Variants in CACNA1E observed in about 807,000 individuals in gnomAD.
CACNA1E encodes the protein calcium voltage-gated channel subunit alpha1 E, also known as voltage-dependent R-type calcium channel subunit alpha-1E.
In CACNA1E, 40 loss-of-function variants were observed where a neutral mutation model predicts 259.2. The observed-to-expected ratio is 0.15, with a 90% confidence interval of 0.12 to 0.20. The LOEUF is 0.20. Ranked by LOEUF, CACNA1E falls within the 10% of genes least tolerant of loss-of-function variation. The pLI is 1.00. For synonymous variants in CACNA1E, 1,104 were observed against 1,138.5 expected (o/e 0.97, Z 0.61); for missense variants, 1,874 against 3,040.1 (o/e 0.62, Z 9.02).
At chr1:181,481,343 C>CAA (rs1482640678), upstream of CACNA1E, among the ~76,000 whole-genome samples, 1 of 150,656 alleles carries the variant, frequency 6.6e-6, no homozygotes, top group Non-Finnish European at 1.5e-5. Context: ...CCTACACACA[C>CAA]ACACACACAC....
At chr1:181,675,431 G>T (rs1649272022) in intron 7 of CACNA1E, among the ~76,000 whole-genome samples, 1 of 152,136 alleles carries the variant, frequency 6.6e-6, no homozygotes. Context: ...TTACCTGATG[G>T]TGCTGCTATA....
chr1:181,612,450 C>T (rs541634871), intron 6 of CACNA1E, among the ~76,000 whole-genome samples: 7 of 152,138 alleles, frequency 4.6e-5, no homozygotes, highest in African/African-American at 1.2e-4. Flanking sequence ...GTAGTGAGTT[C>T]GACCTGAGAA....
At chr1:181,318,768 G>A (rs2102550292) in intron 1 of CACNA1E, among the ~76,000 whole-genome samples, 1 of 152,330 alleles carries the variant, frequency 6.6e-6, no homozygotes, top group Non-Finnish European at 1.5e-5. Flanking sequence ...GGGTGTCTAT[G>A]GAGTTGCGGG....
At chr1:181,559,727 G>T (rs1649118089) in intron 3 of CACNA1E, among the ~76,000 whole-genome samples, 1 of 152,212 alleles carries the variant, frequency 6.6e-6, no homozygotes, top group Admixed American at 6.5e-5. Flanking sequence ...GGGGCAGCAG[G>T]CTGGGTAGGT....
intron 1 of CACNA1E, among the ~76,000 whole-genome samples, chr1:181,407,292 G>T (rs1657535333): frequency 6.6e-6 from 1 of 152,058 alleles, no homozygotes; most frequent in African/African-American, 2.4e-5. Context: ...ACACTTCCTG[G>T]GTGTGTTTTG....
At chr1:181,691,648 A>G (rs1360191732) in intron 7 of CACNA1E, among the ~76,000 whole-genome samples, 8 of 152,146 alleles carry the variant, frequency 5.3e-5, no homozygotes, top group Non-Finnish European at 1.0e-4. Context: ...TCAACAAACT[A>G]GACATCAAAG....
rs976860184 is a variant in CACNA1E at position 181,590,637 on chromosome 1, G to T, written c.951+9861G>T. ...CTTGAGAAGCAGTGACCCAAGGCGGGGCCCTTCCTTGCAGTGTGCAGTCTT... is the reference window on the plus strand; with the variant it reads ...CTTGAGAAGCAGTGACCCAAGGCGGTGCCCTTCCTTGCAGTGTGCAGTCTT... On this transcript the variant is annotated intron_variant, in intron 6 of 47. Transcript: ENST00000367573. 9.2e-5 allele frequency among the ~76,000 whole-genome samples: 14 copies of T among 152,110 alleles called. No homozygotes were observed. In the East Asian group the frequency reaches 2.3e-3, roughly 25 times the overall value.
At chr1:181,324,484 G>A (rs1382765761) in intron 1 of CACNA1E, among the ~76,000 whole-genome samples, 2 of 152,224 alleles carry the variant, frequency 1.3e-5, no homozygotes, top group African/African-American at 4.8e-5. Context: ...ACTATGAAAT[G>A]AATGCAGCAC....
At chr1:181,624,515 G>A (rs752750814) in intron 6 of CACNA1E, among the ~76,000 whole-genome samples, 68 of 152,120 alleles carry the variant, frequency 4.5e-4, no homozygotes, top group Non-Finnish European at 8.7e-4. Flanking sequence ...AACATTCACA[G>A]CATCTTTACA....
rs1217682389 is a variant in CACNA1E at position 181,807,246 on chromosome 1, C to A, written c.*8412C>A. On this transcript the variant is annotated 3_prime_UTR_variant, in exon 48 of 48. Transcript: ENST00000367573. Reference sequence around the variant, plus strand: ...ACAGATTTTCTAATCAGGACATTGTCCTGATCTGCAAGCGAGGAGTTTAAC... The same window carrying A: ...ACAGATTTTCTAATCAGGACATTGTACTGATCTGCAAGCGAGGAGTTTAAC... 6.6e-6 allele frequency: 1 copy of A among 151,900 alleles called. No homozygotes were observed. Among genetic ancestry groups the A allele is most frequent in the East Asian group, 1.9e-4 (1 of 5,180 alleles). 9.4% of individuals were successfully genotyped at this position (151,900 alleles called of 1,614,324 possible).
intron 7 of CACNA1E, among the ~76,000 whole-genome samples, chr1:181,704,512 A>G (rs1268795609): frequency 6.6e-6 from 1 of 152,164 alleles, no homozygotes; most frequent in African/African-American, 2.4e-5. Context: ...AGGTTTCCCT[A>G]TGGGTAGCAA....
At chr1:181,544,448 G>A (rs1490728629) in intron 3 of CACNA1E, among the ~76,000 whole-genome samples, 1 of 151,692 alleles carries the variant, frequency 6.6e-6, no homozygotes, top group Non-Finnish European at 1.5e-5. Flanking sequence ...GGTAAATTAT[G>A]TGGTTGTAAA....
At chr1:181,626,360 GTAGAAC>G (rs1656201216) in intron 6 of CACNA1E, among the ~76,000 whole-genome samples, 1 of 152,158 alleles carries the variant, frequency 6.6e-6, no homozygotes, top group South Asian at 2.1e-4. Context: ...AGGTATGCCT[GTAGAAC>G]TAATCTCGTG....
At chr1:181,702,334 T>C (rs971967576) in intron 7 of CACNA1E, among the ~76,000 whole-genome samples, 2 of 152,092 alleles carry the variant, frequency 1.3e-5, no homozygotes, top group African/African-American at 4.8e-5. Context: ...CTGTTTCTCA[T>C]GAGCTATACT....
upstream of CACNA1E, among the ~76,000 whole-genome samples, chr1:181,480,370 A>G (rs893819950): frequency 6.6e-6 from 1 of 152,142 alleles, no homozygotes; most frequent in African/African-American, 2.4e-5. Flanking sequence ...TATCCCTTTT[A>G]ACTCACATAG....
Position 181,719,881 on chromosome 1 carries a change from G to A in CACNA1E, c.1751+18G>A. 7.2e-7 allele frequency: 1 copy of A among 1,397,314 alleles called. No homozygotes were observed. Among genetic ancestry groups the A allele is most frequent in the Non-Finnish European group, 9.9e-7 (1 of 1,005,224 alleles). The allele number at this position is 1,397,314 out of a possible 1,614,324, so 86.6% of individuals were successfully genotyped here. ...ATAACCAAGTAAGTGATCAGAATTT[G>A]GACTTTTCCCAATGTCTTTGAGAGT... On this transcript the variant is annotated intron_variant, in intron 13 of 47. Transcript: ENST00000367573.
At chr1:181,530,705 A>G (rs963610958) in intron 3 of CACNA1E, among the ~76,000 whole-genome samples, 15 of 152,312 alleles carry the variant, frequency 9.8e-5, no homozygotes, top group African/African-American at 3.4e-4. Context: ...TTACCTGTCT[A>G]CCTTCCTCCC....
In CACNA1E at chr1:181,724,065, A is replaced by G. The variant is rs1255458384; in HGVS notation, c.2075-405A>G. Among the ~76,000 whole-genome samples the G allele has an allele frequency of 3.3e-5, 5 of 152,354 alleles. No homozygotes were observed. In the East Asian group the frequency reaches 9.6e-4, roughly 29 times the overall value. On this transcript the variant is annotated intron_variant, in intron 16 of 47. Transcript: ENST00000367573. The stretch of plus-strand genomic sequence containing the variant: ...CTAATCATGCCTTGGTTTGGTGACC[A>G]GCCCCCATCCAGAAGCTACCTAGGG...
At chr1:181,557,720 G>A (rs1488050733) in intron 3 of CACNA1E, among the ~76,000 whole-genome samples, 2 of 152,174 alleles carry the variant, frequency 1.3e-5, no homozygotes, top group African/African-American at 2.4e-5. Flanking sequence ...CTTTGCTCAT[G>A]TTATCCGCTG....
Sources: allele counts gnomAD v4.1 joint callset (sites outside exome capture counted in the v4.1 genomes callset), GRCh38; gene constraint gnomAD v4.1.1; transcripts MANE v1.5; gene names NCBI Gene and HGNC (gene_info 2026-07-23, HGNC 2026-07-21).